Variants in UGT1A8 observed in about 807,000 individuals in gnomAD.
UGT1A8 encodes the protein UDP glucuronosyltransferase family 1 member A8, also known as UDP-glucuronosyltransferase 1A8.
UGT1A8 carries 39 observed loss-of-function variants against 45.3 expected under a neutral mutation model. The ratio of observed to expected loss-of-function variants is 0.86; its 90% CI spans 0.67 to 1.12. The LOEUF (loss-of-function observed/expected upper bound fraction) is 1.12, where lower values mean the gene tolerates loss of function less well. Ranked by LOEUF, UGT1A8 falls within the 50% of genes most tolerant of loss-of-function variation. UGT1A8 has a pLI of 0.00. For synonymous variants in UGT1A8, 275 were observed against 249.2 expected (o/e 1.10, Z -0.97); for missense variants, 719 against 664.9 (o/e 1.08, Z -0.90).
rs925790057 is a variant in UGT1A8 at position 233,666,599 on chromosome 2, G to GT, written c.855+48045dup. Among the ~76,000 whole-genome samples, 210 of 150,990 alleles carry GT rather than the reference G, an allele frequency of 1.4e-3. 1 individual carries two copies. The highest frequency in any genetic ancestry group is 4.0e-3 in the African/African-American group (165 of 41,132). On this transcript the variant is annotated intron_variant, in intron 1 of 4. Coordinates refer to ENST00000373450, the MANE Select transcript of UGT1A8 (RefSeq NM_019076.5). Reference sequence around the variant, plus strand: ...ATTTATCCTTTACCAGTCTGTAGATGTTTTTTTTAAAGTAAACTCTTTTTG... The same window carrying GT: ...ATTTATCCTTTACCAGTCTGTAGATGTTTTTTTTTAAAGTAAACTCTTTTTG...
At chr2:233,656,799 CTTG>C (rs781502559) in intron 1 of UGT1A8, among the ~76,000 whole-genome samples, 3 of 152,160 alleles carry the variant, frequency 2.0e-5, no homozygotes, top group African/African-American at 2.4e-5. Flanking sequence ...GTTCGATTCA[CTTG>C]TTGTGGGAGA....
chr2:233,694,081 G>C (rs984890530), intron 1 of UGT1A8, among the ~76,000 whole-genome samples: 2 of 152,200 alleles, frequency 1.3e-5, no homozygotes, highest in African/African-American at 4.8e-5. Context: ...TGCTTGGCAA[G>C]AGTAGGAGAT....
intron 1 of UGT1A8, among the ~76,000 whole-genome samples, chr2:233,642,167 C>G (rs749606828): frequency 2.5e-4 from 38 of 152,278 alleles, no homozygotes; most frequent in Admixed American, 2.2e-3. Context: ...AGGCTATTTT[C>G]TAGATCCTAT....
intron 1 of UGT1A8, among the ~76,000 whole-genome samples, chr2:233,633,608 T>C (rs1419377559): frequency 1.3e-5 from 2 of 152,240 alleles, no homozygotes; most frequent in Non-Finnish European, 2.9e-5. Flanking sequence ...GAGGTGTTGA[T>C]AGTATTCTCT....
chr2:233,637,528 CATCAATT>C (rs1186888410), intron 1 of UGT1A8: 4 of 1,385,170 alleles, frequency 2.9e-6, no homozygotes, highest in Non-Finnish European at 3.8e-6. Context: ...TTCATGTACT[CATCAATT>C]ATCAAATTTT....
At chr2:233,679,429 G>C (rs1330863853) in intron 1 of UGT1A8, among the ~76,000 whole-genome samples, 1 of 152,196 alleles carries the variant, frequency 6.6e-6, no homozygotes, top group Non-Finnish European at 1.5e-5. Flanking sequence ...GATGAGGGCA[G>C]TCCTGACTGT....
At chr2:233,652,783 GATGCACCCTTAT>G (rs2125478187) in intron 1 of UGT1A8, among the ~76,000 whole-genome samples, 1 of 152,298 alleles carries the variant, frequency 6.6e-6, no homozygotes, top group South Asian at 2.1e-4. Context: ...AAAGAATGAA[GATGCACCCTTAT>G]ATGCAAAAAC....
intron 1 of UGT1A8, chr2:233,721,736 T>A: frequency 2.3e-6 from 1 of 427,568 alleles, no homozygotes; most frequent in Admixed American, 2.5e-5. Flanking sequence ...ATAAGCTTAA[T>A]GATGAGAGAA....
At chr2:233,671,749 C>T (rs1357824577) in intron 1 of UGT1A8, 1 of 1,286,554 alleles carries the variant, frequency 7.8e-7, no homozygotes, top group African/African-American at 1.5e-5. Flanking sequence ...AAATAGATAT[C>T]TCAGCAAAAG....
At position 233,681,840 on chromosome 2, in the gene UGT1A8, C is replaced by T. The variant is rs558852280; in HGVS notation, c.855+63278C>T. 14 of 1,516,320 alleles carry T rather than the reference C, an allele frequency of 9.2e-6. No individual in the cohort carries two copies. The South Asian group carries it at 9.6e-5, about 10-fold the overall frequency. The allele number at this position is 1,516,320 out of a possible 1,614,324, so 93.9% of individuals were successfully genotyped here. A position where few individuals can be genotyped will look rare whatever the true frequency, so the allele number is the denominator to read the frequency against. ...TTTTTTAAATGAATGAATAAGTACA[C>T]GCCTTCTTTTGAGGGCAGGTTCTAT... is the stretch of plus-strand genomic sequence containing the variant. On this transcript the variant is annotated intron_variant, in intron 1 of 4. Transcript: ENST00000373450.
chr2:233,648,090 T>C (rs2084159228), intron 1 of UGT1A8: 4 of 1,511,242 alleles, frequency 2.6e-6, no homozygotes, highest in African/African-American at 1.4e-5. Context: ...CCCTGGAGGA[T>C]CTGGACCAGG....
At chr2:233,638,564 T>C (rs575011190) in intron 1 of UGT1A8, among the ~76,000 whole-genome samples, 6 of 152,354 alleles carry the variant, frequency 3.9e-5, no homozygotes, top group African/African-American at 1.4e-4. Flanking sequence ...ATTCGGTTGC[T>C]TGTGACTGAA....
intron 1 of UGT1A8, among the ~76,000 whole-genome samples, chr2:233,663,841 G>C (rs943921949): frequency 6.6e-6 from 1 of 152,058 alleles, no homozygotes; most frequent in East Asian, 1.9e-4. Flanking sequence ...TTGCAAAGGC[G>C]GTTTCATTTG....
At chr2:233,719,378 G>T in intron 1 of UGT1A8, 1 of 1,613,952 alleles carries the variant, frequency 6.2e-7, no homozygotes, top group Non-Finnish European at 8.5e-7. Flanking sequence ...AGGGCACACA[G>T]TGTCCAAATC....
chr2:233,698,411 G>T (rs1011894202), intron 1 of UGT1A8, among the ~76,000 whole-genome samples: 1 of 152,042 alleles, frequency 6.6e-6, no homozygotes, highest in African/African-American at 2.4e-5. Flanking sequence ...TGACTTCATC[G>T]CAATAAATTA....
intron 1 of UGT1A8, among the ~76,000 whole-genome samples, chr2:233,685,008 C>A (rs982107066): frequency 6.6e-6 from 1 of 152,050 alleles, no homozygotes; most frequent in Admixed American, 6.6e-5. Flanking sequence ...GGTGTTTGTG[C>A]ACGTATGTGT....
intron 1 of UGT1A8, among the ~76,000 whole-genome samples, chr2:233,696,635 G>A (rs2075353037): frequency 6.6e-6 from 1 of 151,978 alleles, no homozygotes; most frequent in African/African-American, 2.4e-5. Flanking sequence ...TTGCTTAATT[G>A]CTTTGGATAG....
chr2:233,680,459 C>T lies in UGT1A8; in HGVS notation c.855+61897C>T, dbSNP rs28969709. ...TAGAGGAAAGTGACTAAGCAAATGT[C>T]TAGTACCAGTTAGGGTGTCCTGGAA... On this transcript the variant is annotated intron_variant, in intron 1 of 4. Transcript: ENST00000373450. Among the ~76,000 whole-genome samples the T allele has an allele frequency of 5.3e-4, 81 of 152,254 alleles. No homozygotes were observed. In the East Asian group the frequency reaches 0.014, roughly 26 times the overall value.
chr2:233,681,907 C>G, intron 1 of UGT1A8: 2 of 1,596,872 alleles, frequency 1.3e-6, no homozygotes, highest in Non-Finnish European at 1.7e-6. Context: ...GCTTAGAATC[C>G]CAGCTGCTGG....
Sources: allele counts gnomAD v4.1 joint callset (sites outside exome capture counted in the v4.1 genomes callset), GRCh38; gene constraint gnomAD v4.1.1; transcripts MANE v1.5; gene names NCBI Gene and HGNC (gene_info 2026-07-23, HGNC 2026-07-21).